Variants in ATP8B1 observed in about 807,000 individuals in gnomAD.
ATP8B1 encodes phospholipid-transporting ATPase IC.
Under a neutral mutation model 149.9 loss-of-function variants are expected in ATP8B1, and 80 were observed. The observed-to-expected ratio is 0.53, with a 90% CI of 0.45 to 0.64. ATP8B1 has a LOEUF of 0.64. ATP8B1 is among the 30% of genes least tolerant of loss of function. The pLI is 0.00. For synonymous variants in ATP8B1, 536 were observed against 562.8 expected (o/e 0.95, Z 0.67); for missense variants, 1,247 against 1,552.6 (o/e 0.80, Z 3.31).
At chr18:57,687,712 A>G (rs953435161) in intron 13 of ATP8B1, among the ~76,000 whole-genome samples, 7 of 151,114 alleles carry the variant, frequency 4.6e-5, no homozygotes, top group Admixed American at 4.6e-4. Flanking sequence ...CCCCTGTTTC[A>G]GTTCTTTTGA....
chr18:57,778,206 A>G (rs1001139592), intron 1 of ATP8B1, among the ~76,000 whole-genome samples: 5 of 150,216 alleles, frequency 3.3e-5, no homozygotes, highest in Non-Finnish European at 7.4e-5. Flanking sequence ...AGTATTTATA[A>G]TCTCAGTTTC....
intron 1 of ATP8B1, among the ~76,000 whole-genome samples, chr18:57,783,707 G>A (rs997992562): frequency 2.0e-5 from 3 of 152,070 alleles, no homozygotes; most frequent in Admixed American, 6.5e-5. Flanking sequence ...ATGGTGGCAC[G>A]CGCTTGTAAT....
intron 1 of ATP8B1, chr18:57,734,244 C>G (rs558453240): frequency 6.6e-6 from 1 of 152,100 alleles, no homozygotes; most frequent in African/African-American, 2.4e-5. Flanking sequence ...GGCTAGAGTG[C>G]AGTGGTGCAA....
At chr18:57,671,384 C>T in intron 17 of ATP8B1, 84 bp downstream of exon 17, 2 of 1,198,310 alleles carry the variant, frequency 1.7e-6, no homozygotes, top group Non-Finnish European at 1.2e-6. Flanking sequence ...CAGCAGTTAA[C>T]ATACAGCTTT....
chr18:57,655,955 A>T (rs1051363283), intron 22 of ATP8B1, among the ~76,000 whole-genome samples: 1 of 152,150 alleles, frequency 6.6e-6, no homozygotes, highest in Admixed American at 6.6e-5. Flanking sequence ...TCCACTTATG[A>T]CTTGGAAGCA....
In ATP8B1 at chr18:57,660,442, T is replaced by C. The variant is rs1370210375; in HGVS notation, c.2707+732A>G. Reference sequence around the variant, plus strand: ...AAAGAAATGCTTAGATGAAGGAGAATGATATTGTCAAAGCAAGCACCAGCC... The same window carrying C: ...AAAGAAATGCTTAGATGAAGGAGAACGATATTGTCAAAGCAAGCACCAGCC... On this transcript the variant is annotated intron_variant, in intron 22 of 27. Transcript: ENST00000648908. Among the ~76,000 whole-genome samples, 5 of 152,310 alleles carry C rather than the reference T, an allele frequency of 3.3e-5. No individual in the cohort carries two copies. In the East Asian group the frequency reaches 9.6e-4, roughly 29 times the overall value.
chr18:57,793,664 T>G lies in ATP8B1; in HGVS notation c.-26+9334A>C, dbSNP rs139637171. Among the ~76,000 whole-genome samples the G allele has an allele frequency of 1.6e-4, 25 of 152,202 alleles. 1 individual carries two copies. The East Asian group carries it at 4.8e-3, about 29-fold the overall frequency. ...CTAGATAAGCCAAGCACTCTTACCC[T>G]AGGGCTTCTGCAGCAAGTTATCTGT... is the stretch of plus-strand genomic sequence containing the variant. On this transcript the variant is annotated intron_variant, in intron 1 of 27. Transcript: ENST00000648908.
At chr18:57,757,014 C>A (rs143968974) in intron 1 of ATP8B1, among the ~76,000 whole-genome samples, 22 of 152,264 alleles carry the variant, frequency 1.4e-4, no homozygotes, top group African/African-American at 5.3e-4. Context: ...CCAGTCTCTA[C>A]TACAATGGCC....
chr18:57,649,984 G>A (rs1222330788), intron 27 of ATP8B1, among the ~76,000 whole-genome samples: 1 of 152,084 alleles, frequency 6.6e-6, no homozygotes, highest in East Asian at 1.9e-4. Context: ...GAGATGTTTT[G>A]AGTCACAGCT....
chr18:57,754,439 C>CA (rs749830355), intron 1 of ATP8B1, among the ~76,000 whole-genome samples: 69 of 62,844 alleles, frequency 1.1e-3, no homozygotes, highest in Admixed American at 3.0e-3. Context: ...CTCTGTCTAA[C>CA]AAAAAAATAT....
intron 4 of ATP8B1, among the ~76,000 whole-genome samples, chr18:57,701,988 G>A (rs906264054): frequency 3.9e-5 from 6 of 152,128 alleles, no homozygotes; most frequent in South Asian, 2.1e-4. Flanking sequence ...GTGAGCCACC[G>A]TGCCTGGCCA....
rs77559426 is a variant in ATP8B1, at chr18:57,783,267, C to A, written c.-26+19731G>T. Among the ~76,000 whole-genome samples, 330 of 152,182 alleles carry A rather than the reference C, an allele frequency of 2.2e-3. 1 individual carries two copies. The highest frequency in any genetic ancestry group is 7.4e-3 in the African/African-American group (306 of 41,490). On this transcript the variant is annotated intron_variant, in intron 1 of 27. Transcript: ENST00000648908. ...AAAGATTACAGGGGAAAGAGGGCATCTGATGGAACGCAGGCATGGATAAGA... is the reference window on the plus strand; with the variant it reads ...AAAGATTACAGGGGAAAGAGGGCATATGATGGAACGCAGGCATGGATAAGA...
rs746384145 is a variant in ATP8B1, at chr18:57,652,152, A to G, written c.3282T>C (p.Tyr1094=). 6.2e-6 allele frequency: 10 copies of G among 1,614,090 alleles called. No homozygotes were observed. In the South Asian group the frequency reaches 6.6e-5, roughly 11 times the overall value. The part of the protein sequence containing the change: ...VNFQIGLDTS[Y]WTFVNAFSIF... ...TTGAAAAAGCATTCACAAAAGTCCA[A>G]TAAGAAGTATCCAAGCCAATCTGTT... The change falls in exon 26 of 28, where the codon TAT becomes TAC. Residue 1094 remains tyrosine (Y), a synonymous_variant. Coordinates refer to ENST00000648908, the MANE Select transcript of ATP8B1 (RefSeq NM_001374385.1).
intron 1 of ATP8B1, among the ~76,000 whole-genome samples, chr18:57,734,858 A>G (rs966460436): frequency 6.6e-6 from 1 of 152,228 alleles, no homozygotes; most frequent in Non-Finnish European, 1.5e-5. Context: ...TAGGCCGACT[A>G]TGAATCCCTA....
rs143336798 is a variant in ATP8B1 at position 57,776,199 on chromosome 18, GA to G, written c.-26+26798del. ...ATACTTGATGATTCAATTCCATTTG[GA>G]ACCGATACTACACGTTAAGGAAACA... On this transcript the variant is annotated intron_variant, in intron 1 of 27. Coordinates refer to ENST00000648908, the MANE Select transcript of ATP8B1 (RefSeq NM_001374385.1). Among the ~76,000 whole-genome samples, 938 of 151,930 alleles carry G rather than the reference GA, an allele frequency of 6.2e-3. 7 individuals carry two copies. Among genetic ancestry groups the G allele is most frequent in the South Asian group, 0.021 (99 of 4,794 alleles).
chr18:57,735,738 C>A (rs2079844553), intron 1 of ATP8B1: 1 of 152,070 alleles, frequency 6.6e-6, no homozygotes, highest in South Asian at 2.1e-4. Context: ...TTTTAAAAGT[C>A]ATCTTTTCCA....
At chr18:57,775,269 T>C (rs1318143521) in intron 1 of ATP8B1, among the ~76,000 whole-genome samples, 1 of 151,646 alleles carries the variant, frequency 6.6e-6, no homozygotes, top group African/African-American at 2.4e-5. Flanking sequence ...TGAGCAATGA[T>C]CATGTCATTG....
chr18:57,672,314 T>G (rs1042829109), intron 16 of ATP8B1, among the ~76,000 whole-genome samples: 34 of 152,216 alleles, frequency 2.2e-4, no homozygotes, highest in Admixed American at 5.9e-4. Context: ...TTTTGGGTTT[T>G]TTGATTAATG....
chr18:57,710,189 A>T (rs1913622741), intron 2 of ATP8B1, among the ~76,000 whole-genome samples: 1 of 152,158 alleles, frequency 6.6e-6, no homozygotes, highest in Non-Finnish European at 1.5e-5. Context: ...AGAAGAAATA[A>T]GAAATGCAAA....
Sources: gnomAD v4.1 joint callset for allele counts (sites outside exome capture counted in the v4.1 genomes callset) on GRCh38, gnomAD v4.1.1 for gene constraint, MANE v1.5 for transcripts, NCBI Gene and HGNC (gene_info 2026-07-23, HGNC 2026-07-21) for gene names.